RSRC1: variants seen among roughly 807,000 people sequenced by gnomAD.
The protein encoded by RSRC1 is serine/Arginine-related protein 53.
RSRC1 carries 39 observed loss-of-function variants against 49.1 expected under a neutral mutation model. That is an observed-to-expected ratio of 0.79 (90% CI 0.61 to 1.04). RSRC1 has a LOEUF of 1.04. Among genes scored for constraint, RSRC1 ranks in the 50% least tolerant of loss-of-function variants. The pLI is 0.00. For missense variants in RSRC1, 388 were observed against 402.4 expected (o/e 0.96, Z 0.31); for synonymous variants, 143 against 130.8 (o/e 1.09, Z -0.63).
At chr3:158,405,264 C>T (rs1487992542) in intron 6 of RSRC1, among the ~76,000 whole-genome samples, 3 of 151,780 alleles carry the variant, frequency 2.0e-5, no homozygotes. Context: ...ACAAAATGCA[C>T]ACAAATGTGA....
chr3:158,287,046 T>TC (rs1442525365), intron 4 of RSRC1, among the ~76,000 whole-genome samples: 1 of 152,172 alleles, frequency 6.6e-6, no homozygotes, highest in African/African-American at 2.4e-5. Context: ...CAGGATGGTC[T>TC]CCATCTCCTG....
intron 4 of RSRC1, among the ~76,000 whole-genome samples, chr3:158,209,293 G>T (rs1721525822): frequency 7.9e-5 from 12 of 152,004 alleles, no homozygotes; most frequent in Admixed American, 7.9e-4. Flanking sequence ...CATGGGAGTA[G>T]GTTTCTTATA....
chr3:158,429,137 C>G (rs1735628256), intron 6 of RSRC1, among the ~76,000 whole-genome samples: 1 of 151,864 alleles, frequency 6.6e-6, no homozygotes, highest in Admixed American at 6.6e-5. Context: ...CTGGTACTTT[C>G]AGCCCTTCTA....
chr3:158,423,984 G>C (rs547917626), intron 6 of RSRC1, among the ~76,000 whole-genome samples: 1 of 150,658 alleles, frequency 6.6e-6, no homozygotes, highest in African/African-American at 2.4e-5. Flanking sequence ...TGAGACAATG[G>C]GGTTTTCTAG....
intron 3 of RSRC1, among the ~76,000 whole-genome samples, chr3:158,196,628 G>C (rs1209907375): frequency 6.6e-6 from 1 of 152,142 alleles, no homozygotes; most frequent in African/African-American, 2.4e-5. Context: ...TATGATATTG[G>C]CTGTGGGTTT....
intron 7 of RSRC1, among the ~76,000 whole-genome samples, chr3:158,463,275 G>T (rs1368091840): frequency 1.3e-5 from 2 of 152,018 alleles, no homozygotes; most frequent in African/African-American, 2.4e-5. Context: ...TAGATTCTTT[G>T]TTGTTGTTTG....
At chr3:158,149,002 T>C (rs748982344) in intron 3 of RSRC1, among the ~76,000 whole-genome samples, 4 of 152,190 alleles carry the variant, frequency 2.6e-5, no homozygotes, top group Non-Finnish European at 4.4e-5. Context: ...CAGGCTGGTC[T>C]CGAACTCCTG....
chr3:158,437,179 AGTG>A (rs1416613951), intron 6 of RSRC1, among the ~76,000 whole-genome samples: 1 of 151,694 alleles, frequency 6.6e-6, no homozygotes, highest in African/African-American at 2.4e-5. Context: ...TTCCCGGGGT[AGTG>A]TGTTATATGT....
At chr3:158,497,899 C>T (rs1739422530) in intron 7 of RSRC1, among the ~76,000 whole-genome samples, 1 of 152,100 alleles carries the variant, frequency 6.6e-6, no homozygotes, top group African/African-American at 2.4e-5. Context: ...CTTTTTATGG[C>T]TGAGTAGTAT....
intron 5 of RSRC1, among the ~76,000 whole-genome samples, chr3:158,349,691 CTTTTTTTTTT>C (rs775736592): frequency 4.0e-5 from 3 of 74,852 alleles, no homozygotes; most frequent in African/African-American, 1.1e-4. Context: ...TCTTACTGCC[CTTTTTTTTTT>C]TTTTTTTTTT....
At chr3:158,217,182 G>A (rs4680421) in intron 4 of RSRC1, among the ~76,000 whole-genome samples, 36,467 of 151,318 alleles carry the variant, frequency 0.24, 4,676 homozygotes, top group Non-Finnish European at 0.29. Flanking sequence ...AATTAGTAAC[G>A]AGTACTGCTC....
At chr3:158,132,514 T>G (rs1024403378) in intron 3 of RSRC1, among the ~76,000 whole-genome samples, 1 of 152,226 alleles carries the variant, frequency 6.6e-6, no homozygotes, top group East Asian at 1.9e-4. Context: ...TGTAGTACTC[T>G]TTATGTTATT....
intron 4 of RSRC1, among the ~76,000 whole-genome samples, chr3:158,239,791 G>C (rs1434103858): frequency 6.6e-6 from 1 of 151,822 alleles, no homozygotes; most frequent in Non-Finnish European, 1.5e-5. Context: ...TTAATTCTTT[G>C]GTCAGATATG....
At chr3:158,241,217 G>GTT in intron 4 of RSRC1, among the ~76,000 whole-genome samples, 1 of 152,252 alleles carries the variant, frequency 6.6e-6, no homozygotes, top group South Asian at 2.1e-4. Flanking sequence ...GGAAGCCAAG[G>GTT]TGGGTGGATC....
rs144598038 is a variant in RSRC1, at chr3:158,113,515, C to T, written c.-3+3292C>T. Among the ~76,000 whole-genome samples, 212 of 151,910 alleles carry T rather than the reference C, an allele frequency of 1.4e-3. 1 individual carries two copies. Among genetic ancestry groups the T allele is most frequent in the African/African-American group, 4.0e-3 (164 of 41,420 alleles). ...TCCTGAGTAGCTGGGATTACAGGCA[C>T]GCTTCACCACGCCCAGCTAATTTTT... On this transcript the variant is annotated intron_variant, in intron 1 of 9. Coordinates refer to ENST00000611884, the MANE Select transcript of RSRC1 (RefSeq NM_001271838.2).
chr3:158,124,308 C>G (rs1715477846), intron 3 of RSRC1, among the ~76,000 whole-genome samples: 1 of 151,982 alleles, frequency 6.6e-6, no homozygotes, highest in African/African-American at 2.4e-5. Context: ...CGTGCGTTCC[C>G]CAGACATGAG....
rs1712896898 is a variant in RSRC1 at position 158,539,230 on chromosome 3, AC to A, written c.759+2036del. The stretch of plus-strand genomic sequence containing the variant: ...AAAAAAAGGCTTTTGTATGCTGGCC[AC>A]CCCTTCAGTTGGTACCGTATTTGTT... On this transcript the variant is annotated intron_variant, in intron 8 of 9. Transcript: ENST00000611884. This position sits in a 1 kb window ranked among gnomAD's most constrained non-coding sequence, Gnocchi z 4.1. Among the ~76,000 whole-genome samples, 1 of 151,970 alleles carries A rather than the reference AC, an allele frequency of 6.6e-6. No individual in the cohort carries two copies. The highest frequency in any genetic ancestry group is 2.1e-4 in the South Asian group (1 of 4,822).
At chr3:158,262,818 A>G (rs1724975870) in intron 4 of RSRC1, among the ~76,000 whole-genome samples, 3 of 152,052 alleles carry the variant, frequency 2.0e-5, no homozygotes, top group Non-Finnish European at 4.4e-5. Flanking sequence ...GAAATTATTT[A>G]TATATATTTA....
intron 3 of RSRC1, among the ~76,000 whole-genome samples, chr3:158,126,150 T>G (rs1181492080): frequency 6.6e-6 from 1 of 152,118 alleles, no homozygotes; most frequent in Non-Finnish European, 1.5e-5. Context: ...TATGAGTGTG[T>G]GTTTTGAAAA....
Sources: allele counts gnomAD v4.1 joint callset (sites outside exome capture counted in the v4.1 genomes callset), GRCh38; gene constraint gnomAD v4.1.1; non-coding constraint Gnocchi (gnomAD v3.1); transcripts MANE v1.5; gene names NCBI Gene and HGNC (gene_info 2026-07-23, HGNC 2026-07-21).